Variants in PRIM2 observed in about 807,000 individuals in gnomAD.
PRIM2 encodes DNA primase large subunit.
Under a neutral mutation model 67.3 loss-of-function variants are expected in PRIM2, and 39 were observed. The observed-to-expected ratio is 0.58, with a 90% CI of 0.45 to 0.76. The LOEUF (loss-of-function observed/expected upper bound fraction) is 0.76, where lower values mean the gene tolerates loss of function less well. PRIM2 is among the 30% of genes least tolerant of loss of function. The pLI, the probability that PRIM2 is intolerant of heterozygous loss-of-function variation, is 0.00. For synonymous variants in PRIM2, 143 were observed against 198.7 expected (o/e 0.72, Z 2.36); for missense variants, 398 against 598.7 (o/e 0.66, Z 3.50).
At chr6:57,365,781 G>A (rs1291313081) in intron 5 of PRIM2, among the ~76,000 whole-genome samples, 8 of 151,974 alleles carry the variant, frequency 5.3e-5, no homozygotes, top group Non-Finnish European at 1.2e-4. Flanking sequence ...GTAACATAAT[G>A]AGACCCGGTC....
At chr6:57,557,119 A>G (rs1489001785) in intron 10 of PRIM2, among the ~76,000 whole-genome samples, 63 of 132,890 alleles carry the variant, frequency 4.7e-4, no homozygotes, top group Non-Finnish European at 1.6e-5. Flanking sequence ...AAAAGTCAAA[A>G]AATAATAGAT....
the PRIM2 span, among the ~76,000 whole-genome samples, chr6:57,255,385 C>G: frequency 1.3e-5 from 2 of 151,836 alleles, no homozygotes; most frequent in Admixed American, 1.3e-4. Context: ...GTAGTCCCAG[C>G]TACTCGGGAG....
the PRIM2 span, among the ~76,000 whole-genome samples, chr6:57,243,957 G>A: frequency 4.6e-5 from 7 of 152,318 alleles, no homozygotes; most frequent in South Asian, 1.2e-3. Context: ...CTGACAGATA[G>A]AATGGACTCC....
intron 10 of PRIM2, among the ~76,000 whole-genome samples, chr6:57,541,976 T>C (rs1775167866): frequency 1.6e-5 from 1 of 63,992 alleles, no homozygotes; most frequent in Non-Finnish European, 3.1e-5. Context: ...TGTTTTGGTT[T>C]TTTTTTTTTT....
chr6:57,271,938 T>C, the PRIM2 span, among the ~76,000 whole-genome samples: 1 of 152,232 alleles, frequency 6.6e-6, no homozygotes, highest in Non-Finnish European at 1.5e-5. Flanking sequence ...TTGAGCAGAT[T>C]TGAGTGAGTT....
intron 7 of PRIM2, among the ~76,000 whole-genome samples, chr6:57,492,139 T>C (rs1554346018): frequency 3.9e-4 from 60 of 152,330 alleles, no homozygotes; most frequent in Non-Finnish European, 7.2e-4. Flanking sequence ...TAAAGCAAGA[T>C]GGCTAACTCC....
At chr6:57,373,661 G>C (rs902400869) in intron 5 of PRIM2, among the ~76,000 whole-genome samples, 9 of 152,132 alleles carry the variant, frequency 5.9e-5, no homozygotes, top group African/African-American at 9.7e-5. Flanking sequence ...GATTTTCTAT[G>C]TATGGCTAGC....
chr6:57,368,293 A>T (rs1264903316), intron 5 of PRIM2, among the ~76,000 whole-genome samples: 1 of 152,068 alleles, frequency 6.6e-6, no homozygotes, highest in Non-Finnish European at 1.5e-5. Flanking sequence ...TTAAAAAAAA[A>T]CATACAGCTC....
the PRIM2 span, among the ~76,000 whole-genome samples, chr6:57,261,685 G>A: frequency 6.6e-6 from 1 of 152,132 alleles, no homozygotes; most frequent in African/African-American, 2.4e-5. Context: ...TTTCCAGGTG[G>A]GGGCACAGCC....
intron 7 of PRIM2, among the ~76,000 whole-genome samples, chr6:57,446,109 A>G (rs2127387660): frequency 6.6e-6 from 1 of 152,308 alleles, no homozygotes; most frequent in East Asian, 1.9e-4. Context: ...ACTTCCTCAG[A>G]GCCAGGGGAT....
intron 7 of PRIM2, among the ~76,000 whole-genome samples, chr6:57,482,654 A>G (rs1160208875): frequency 2.0e-5 from 3 of 152,198 alleles, no homozygotes; most frequent in Non-Finnish European, 4.4e-5. Context: ...ACCGTGAAAG[A>G]TTGAAGATGC....
chr6:57,641,174 C>G (rs1192211068), intron 13 of PRIM2, among the ~76,000 whole-genome samples: 16 of 152,072 alleles, frequency 1.1e-4, no homozygotes, highest in African/African-American at 3.9e-4. Context: ...TTTGAAAAAA[C>G]TGGCTAGCCA....
chr6:57,526,077 G>A (rs1554349355), intron 8 of PRIM2, among the ~76,000 whole-genome samples: 1 of 151,982 alleles, frequency 6.6e-6, no homozygotes, highest in Non-Finnish European at 1.5e-5. Flanking sequence ...GTTTGTCCTG[G>A]GTTTTATGCA....
intron 7 of PRIM2, among the ~76,000 whole-genome samples, chr6:57,448,685 A>G (rs918577005): frequency 2.0e-5 from 3 of 152,150 alleles, no homozygotes; most frequent in African/African-American, 7.2e-5. Flanking sequence ...GCAATCAGTT[A>G]AAGAGTAAAG....
intron 5 of PRIM2, among the ~76,000 whole-genome samples, chr6:57,377,943 C>T (rs9475905): frequency 0.093 from 14,146 of 151,874 alleles, 1,503 homozygotes; most frequent in African/African-American, 0.26. Context: ...AAGGGCTCAA[C>T]GGGCTCAGAA....
chr6:57,311,275 A>G (rs1442222323), upstream of PRIM2, among the ~76,000 whole-genome samples: 463 of 63,420 alleles, frequency 7.3e-3, no homozygotes, highest in East Asian at 0.014. Context: ...CTCACTTCCC[A>G]GACGGGGCGG....
At chr6:57,529,190 T>G (rs1482251397) in intron 8 of PRIM2, among the ~76,000 whole-genome samples, 1 of 151,862 alleles carries the variant, frequency 6.6e-6, no homozygotes, top group Non-Finnish European at 1.5e-5. Context: ...GGCGCCTGTA[T>G]TCCCAGCTAC....
chr6:57,468,510 G>A lies in PRIM2; in HGVS notation c.694-38877G>A, dbSNP rs1423809431. Among the ~76,000 whole-genome samples the A allele has an allele frequency of 6.6e-4, 101 of 152,256 alleles. 1 individual carries two copies. The highest frequency in any genetic ancestry group is 2.3e-3 in the African/African-American group (97 of 41,550). ...TATTGTGCTGTATAAGGTTTTTGAT[G>A]TGCTGCTGGATTCGGTTTGCCAGTA... On this transcript the variant is annotated intron_variant, in intron 7 of 13. Coordinates refer to ENST00000615550, the MANE Select transcript of PRIM2 (RefSeq NM_000947.5).
chr6:57,240,169 G>A, the PRIM2 span, among the ~76,000 whole-genome samples: 5 of 140,878 alleles, frequency 3.5e-5, no homozygotes, highest in South Asian at 2.3e-4. Flanking sequence ...GCGCGATCTC[G>A]GCTCACACTG....
Sources: allele counts gnomAD v4.1 joint callset (sites outside exome capture counted in the v4.1 genomes callset), GRCh38; gene constraint gnomAD v4.1.1; transcripts MANE v1.5; gene names NCBI Gene and HGNC (gene_info 2026-07-23, HGNC 2026-07-21).